Variants in SCAPER observed in about 807,000 individuals in gnomAD.
SCAPER encodes the protein S phase cyclin A-associated protein in the endoplasmic reticulum.
SCAPER carries 98 observed loss-of-function variants against 182.2 expected under a neutral mutation model. The observed-to-expected ratio is 0.54, with a 90% CI of 0.46 to 0.64. The LOEUF is 0.64. Among genes scored for constraint, SCAPER ranks in the 30% least tolerant of loss-of-function variants. SCAPER has a pLI of 0.00. For missense variants in SCAPER, 1,432 were observed against 1,690.0 expected (o/e 0.85, Z 2.68); for synonymous variants, 605 against 564.6 (o/e 1.07, Z -1.01).
intron 5 of SCAPER, among the ~76,000 whole-genome samples, chr15:76,840,550 G>C (rs1027812877): frequency 2.0e-5 from 3 of 151,932 alleles, no homozygotes; most frequent in Non-Finnish European, 4.4e-5. Context: ...GTATTTTTAA[G>C]TTAGTCTAAA....
chr15:76,525,254 C>T (rs1178976372), intron 23 of SCAPER, among the ~76,000 whole-genome samples: 1 of 152,122 alleles, frequency 6.6e-6, no homozygotes, highest in Non-Finnish European at 1.5e-5. Context: ...CTCTCCTAAA[C>T]TCATATCTAT....
At chr15:76,390,478 A>G (rs2043612546) in intron 27 of SCAPER, among the ~76,000 whole-genome samples, 1 of 152,194 alleles carries the variant, frequency 6.6e-6, no homozygotes, top group African/African-American at 2.4e-5. Context: ...AAAGTGGAAG[A>G]GTAAAGAGGT....
chr15:76,719,222 A>G (rs541512906), intron 17 of SCAPER, among the ~76,000 whole-genome samples: 1 of 152,334 alleles, frequency 6.6e-6, no homozygotes, highest in East Asian at 1.9e-4. Flanking sequence ...GGAACAAGAC[A>G]TTGTCATTTG....
chr15:76,802,027 T>C (rs1339067643), intron 6 of SCAPER, among the ~76,000 whole-genome samples: 1 of 151,164 alleles, frequency 6.6e-6, no homozygotes. Context: ...AATACAATCC[T>C]CAACACAGCC....
chr15:76,862,556 T>C (rs1361940920), intron 2 of SCAPER, 23 bp from the exon 3 acceptor site: 1 of 1,302,040 alleles, frequency 7.7e-7, no homozygotes, highest in African/African-American at 1.5e-5. Context: ...AAGATGGTAC[T>C]TATTAGATTA....
chr15:76,381,540 A>T lies in SCAPER; in HGVS notation c.3543T>A (p.Ala1181=), dbSNP rs1483991610. The change falls in exon 28 of 32, where the codon GCT becomes GCA. Residue 1181 remains alanine (A), a synonymous_variant. Transcript: ENST00000563290. ...CACAGTAGAGCATATGAAGAACTCCAGCCAGGTCGGTTGCCTGAAGAGCAG... is the reference window on the plus strand; with the variant it reads ...CACAGTAGAGCATATGAAGAACTCCTGCCAGGTCGGTTGCCTGAAGAGCAG... ...LTAALQATDL[A]GVLHMLYCVL... The T allele has an allele frequency of 6.2e-7, 1 of 1,612,502 alleles. No homozygotes were observed. The highest frequency in any genetic ancestry group is 1.3e-5 in the African/African-American group (1 of 74,922).
At chr15:76,628,657 C>T (rs1246963563) in intron 21 of SCAPER, among the ~76,000 whole-genome samples, 1 of 152,170 alleles carries the variant, frequency 6.6e-6, no homozygotes, top group South Asian at 2.1e-4. Context: ...CAGTACCACG[C>T]TATTTTGGTT....
At chr15:76,409,496 A>ATTATG (rs2045119397) in intron 26 of SCAPER, among the ~76,000 whole-genome samples, 1 of 152,074 alleles carries the variant, frequency 6.6e-6, no homozygotes, top group Non-Finnish European at 1.5e-5. Flanking sequence ...AAACATATAC[A>ATTATG]TTATGTGTGT....
At chr15:76,546,036 C>T (rs963157540) in intron 23 of SCAPER, among the ~76,000 whole-genome samples, 1 of 152,046 alleles carries the variant, frequency 6.6e-6, no homozygotes, top group African/African-American at 2.4e-5. Context: ...ATCCAGAACG[C>T]ACAGAAGAAA....
chr15:76,742,179 G>A (rs1036003767), intron 15 of SCAPER, among the ~76,000 whole-genome samples: 1 of 151,756 alleles, frequency 6.6e-6, no homozygotes, highest in Non-Finnish European at 1.5e-5. Flanking sequence ...TATTCTCAAA[G>A]GCAAATATAG....
intron 26 of SCAPER, among the ~76,000 whole-genome samples, chr15:76,422,668 T>C (rs2046126979): frequency 2.0e-5 from 3 of 151,878 alleles, no homozygotes; most frequent in African/African-American, 4.8e-5. Context: ...TGAATAGGAG[T>C]GGTGAGAGGG....
intron 23 of SCAPER, among the ~76,000 whole-genome samples, chr15:76,525,066 T>TA (rs2043103248): frequency 6.6e-6 from 1 of 152,164 alleles, no homozygotes; most frequent in Non-Finnish European, 1.5e-5. Context: ...TTTATCCTGT[T>TA]AAAAGATTTT....
chr15:76,614,391 T>TA (rs1429476619), intron 22 of SCAPER, among the ~76,000 whole-genome samples: 1 of 152,074 alleles, frequency 6.6e-6, no homozygotes, highest in Admixed American at 6.5e-5. Flanking sequence ...ACCCTGAACT[T>TA]AAAAGTTAAA....
intron 23 of SCAPER, among the ~76,000 whole-genome samples, chr15:76,522,692 G>A (rs1487121269): frequency 6.6e-6 from 1 of 152,046 alleles, no homozygotes; most frequent in African/African-American, 2.4e-5. Context: ...CGACTAAGGT[G>A]TAGAATTTCT....
intron 5 of SCAPER, among the ~76,000 whole-genome samples, chr15:76,816,421 C>T (rs1191651462): frequency 2.0e-5 from 3 of 152,002 alleles, no homozygotes. Context: ...TAGCCTAGGC[C>T]TACCCAGGAT....
chr15:76,597,329 T>A lies in SCAPER; in HGVS notation c.2712-23045A>T, dbSNP rs947437384. 8.2e-5 allele frequency among the ~76,000 whole-genome samples: 10 copies of A among 121,842 alleles called. 1 individual carries two copies. The highest frequency in any genetic ancestry group is 2.5e-4 in the African/African-American group (10 of 39,878). 79.9% of individuals were successfully genotyped at this position (121,842 alleles called of 152,430 possible). A position where few individuals can be genotyped will look rare whatever the true frequency, so the allele number is the denominator to read the frequency against. On this transcript the variant is annotated intron_variant, in intron 22 of 31. Coordinates refer to ENST00000563290, the MANE Select transcript of SCAPER (RefSeq NM_020843.4). Reference sequence around the variant, plus strand: ...GAGGACACAAACAAATGAAAAACATTCCATGCTAATGGATAGGAAGAATCA... The same window carrying A: ...GAGGACACAAACAAATGAAAAACATACCATGCTAATGGATAGGAAGAATCA...
At chr15:76,484,324 C>A (rs190095412) in intron 24 of SCAPER, among the ~76,000 whole-genome samples, 1 of 151,924 alleles carries the variant, frequency 6.6e-6, no homozygotes, top group East Asian at 1.9e-4. Flanking sequence ...GAGTGGCTGA[C>A]CCCATAGAAA....
intron 17 of SCAPER, among the ~76,000 whole-genome samples, chr15:76,710,008 T>A (rs910431306): frequency 2.6e-5 from 4 of 152,102 alleles, no homozygotes; most frequent in African/African-American, 9.7e-5. Context: ...GAAAGAAACT[T>A]CCTCAATCTA....
rs190894846 is a variant in SCAPER, at chr15:76,381,895, C to T, written c.3468-280G>A. Among the ~76,000 whole-genome samples the T allele has an allele frequency of 8.5e-5, 13 of 152,326 alleles. No individual in the cohort carries two copies. The East Asian group carries it at 2.3e-3, about 27-fold the overall frequency. On this transcript the variant is annotated intron_variant, in intron 27 of 31. Transcript: ENST00000563290. ...CACCCTTCCCACACTTTATAGCCTA[C>T]ATAACCTCACTTTGTTTAGTATCCT... is the stretch of plus-strand genomic sequence containing the variant.
Sources: allele counts gnomAD v4.1 joint callset (sites outside exome capture counted in the v4.1 genomes callset), GRCh38; gene constraint gnomAD v4.1.1; transcripts MANE v1.5; gene names NCBI Gene and HGNC (gene_info 2026-07-23, HGNC 2026-07-21).